The following IRGM variants were observed in gnomAD, a reference collection of about 807,000 sequenced individuals.
The protein encoded by IRGM is immunity-related GTPase family M protein.
For missense variants in IRGM, 288 were observed against 219.9 expected (o/e 1.31, Z -1.96); for synonymous variants, 98 against 80.6 (o/e 1.22, Z -1.16).
downstream of IRGM, among the ~76,000 whole-genome samples, chr5:150,849,093 G>A (rs182686809): frequency 7.9e-5 from 12 of 151,874 alleles, no homozygotes; most frequent in East Asian, 1.2e-3. Flanking sequence ...CTCCAGGTTC[G>A]AACAGGCAAG....
chr5:150,858,926 C>T (rs572431450), intron 1 of IRGM, among the ~76,000 whole-genome samples: 83 of 152,300 alleles, frequency 5.4e-4, no homozygotes, highest in African/African-American at 1.9e-3. Context: ...ATTTCCTTCT[C>T]CTGCCTGACT....
chr5:150,874,666 C>T (rs1754336594), intron 1 of IRGM, among the ~76,000 whole-genome samples: 1 of 152,214 alleles, frequency 6.6e-6, no homozygotes, highest in Non-Finnish European at 1.5e-5. Flanking sequence ...GTCCAGGCTG[C>T]TGTGCAAGCT....
chr5:150,860,712 C>T (rs1461307124), intron 1 of IRGM, among the ~76,000 whole-genome samples: 1 of 152,166 alleles, frequency 6.6e-6, no homozygotes, highest in African/African-American at 2.4e-5. Flanking sequence ...ACCACTATTG[C>T]TTCTGCTGCT....
intron 3 of IRGM, chr5:150,898,046 T>C (rs1277100174): frequency 6.2e-7 from 1 of 1,604,320 alleles, no homozygotes; most frequent in South Asian, 1.1e-5. Flanking sequence ...AAAACATAAA[T>C]TGATATTTCA....
chr5:150,886,003 C>A lies in IRGM; in HGVS notation c.*140+6357C>A, dbSNP rs115791746. Among the ~76,000 whole-genome samples the A allele has an allele frequency of 3.5e-3, 539 of 152,142 alleles. 5 individuals are homozygous for A. Among genetic ancestry groups the A allele is most frequent in the African/African-American group, 0.012 (509 of 41,516 alleles). On this transcript the variant is annotated intron_variant and NMD_transcript_variant, in intron 3 of 3. Coordinates refer to the IRGM transcript ENST00000520549. Reference sequence around the variant, plus strand: ...TTGTGCCAGTTTTCAAGGAAGATGTCTCCAGCTTTTGCCCATGCAGTATGA... The same window carrying A: ...TTGTGCCAGTTTTCAAGGAAGATGTATCCAGCTTTTGCCCATGCAGTATGA...
chr5:150,888,259 A>G (rs780569558), intron 3 of IRGM, among the ~76,000 whole-genome samples: 7 of 152,076 alleles, frequency 4.6e-5, no homozygotes, highest in Non-Finnish European at 1.0e-4. Context: ...CAATTCAACA[A>G]GAAGGTCTAA....
At chr5:150,888,126 A>G (rs1754553619) in intron 3 of IRGM, among the ~76,000 whole-genome samples, 1 of 152,074 alleles carries the variant, frequency 6.6e-6, no homozygotes, top group South Asian at 2.1e-4. Context: ...GAAAACCAGA[A>G]AAAAGCAGGG....
At chr5:150,850,034 A>T (rs1753951396), downstream of IRGM, among the ~76,000 whole-genome samples, 1 of 152,204 alleles carries the variant, frequency 6.6e-6, no homozygotes, top group African/African-American at 2.4e-5. Flanking sequence ...TTTCAGAGAG[A>T]TGCCTGTATA....
downstream of IRGM, among the ~76,000 whole-genome samples, chr5:150,850,808 C>T (rs1221965436): frequency 1.3e-5 from 2 of 152,114 alleles, no homozygotes; most frequent in African/African-American, 4.8e-5. Context: ...GTAGTGAGAG[C>T]GAGCCATGAG....
intron 1 of IRGM, among the ~76,000 whole-genome samples, chr5:150,857,393 C>T (rs1290756950): frequency 1.2e-4 from 18 of 152,248 alleles, no homozygotes; most frequent in African/African-American, 2.4e-4. Context: ...AATAAACATA[C>T]GTGTGCATGT....
intron 3 of IRGM, among the ~76,000 whole-genome samples, chr5:150,889,278 T>C (rs1291360787): frequency 1.3e-5 from 2 of 152,026 alleles, no homozygotes; most frequent in Non-Finnish European, 2.9e-5. Context: ...GGCCTCACAA[T>C]CATGGCAGAA....
chr5:150,893,731 A>G (rs1754657560), intron 3 of IRGM, among the ~76,000 whole-genome samples: 1 of 152,168 alleles, frequency 6.6e-6, no homozygotes, highest in Admixed American at 6.6e-5. Flanking sequence ...GTTCCACACA[A>G]CTGTAGCTTC....
At chr5:150,855,895 A>G (rs1187982154) in intron 1 of IRGM, among the ~76,000 whole-genome samples, 1 of 152,220 alleles carries the variant, frequency 6.6e-6, no homozygotes, top group Non-Finnish European at 1.5e-5. Flanking sequence ...ATATCAATTA[A>G]TTTAGACTTT....
At chr5:150,850,531 GAATA>G (rs1334454176), downstream of IRGM, among the ~76,000 whole-genome samples, 6 of 152,126 alleles carry the variant, frequency 3.9e-5, no homozygotes, top group African/African-American at 1.4e-4. Context: ...GGTAAGGGGT[GAATA>G]AATATGGAGT....
chr5:150,890,167 T>C (rs1030017443), intron 3 of IRGM, among the ~76,000 whole-genome samples: 1 of 152,040 alleles, frequency 6.6e-6, no homozygotes, highest in African/African-American at 2.4e-5. Flanking sequence ...GATAAGGTTT[T>C]ACACTACAAG....
In IRGM at chr5:150,846,658, C is replaced by G. The variant is rs1354474696; in HGVS notation, c.-978C>G. ...CACTCACCGTGAAGGTCTGCAGCAT[C>G]ACTCCTGAAACCTGTGAAACAACGA... is the stretch of plus-strand genomic sequence containing the variant. On this transcript the variant is annotated 5_prime_UTR_variant, in exon 1 of 2. In the 5' UTR this introduces an upstream ATG that the reference lacks. Coordinates refer to ENST00000522154, the MANE Select transcript of IRGM (RefSeq NM_001145805.2). 1.4e-5 allele frequency: 2 copies of G among 139,036 alleles called. No homozygotes were observed. The highest frequency in any genetic ancestry group is 3.0e-5 in the Non-Finnish European group (2 of 66,554). 8.6% of individuals were successfully genotyped at this position (139,036 alleles called of 1,614,324 possible).
downstream of IRGM, among the ~76,000 whole-genome samples, chr5:150,849,324 T>C (rs1306944403): frequency 6.6e-6 from 1 of 151,108 alleles, no homozygotes; most frequent in Non-Finnish European, 1.5e-5. Context: ...TATCTTATGG[T>C]TTATAAGGAA....
chr5:150,851,020 T>C (rs562449130), downstream of IRGM, among the ~76,000 whole-genome samples: 5 of 152,354 alleles, frequency 3.3e-5, no homozygotes, highest in South Asian at 1.0e-3. Flanking sequence ...GAAATGTTAG[T>C]TTTGGTTTCA....
chr5:150,861,192 G>A (rs1417899785), intron 1 of IRGM, among the ~76,000 whole-genome samples: 1 of 152,196 alleles, frequency 6.6e-6, no homozygotes, highest in African/African-American at 2.4e-5. Context: ...GTACGATGGT[G>A]GCAGTTGGTC....
Sources: gnomAD v4.1 joint callset for allele counts (sites outside exome capture counted in the v4.1 genomes callset) on GRCh38, gnomAD v4.1.1 for gene constraint, MANE v1.5 for transcripts, NCBI Gene and HGNC (gene_info 2026-07-23, HGNC 2026-07-21) for gene names.